Variants in LYZL1 observed in about 807,000 individuals in gnomAD.
LYZL1 encodes lysozyme-like protein 1.
Under a neutral mutation model 17.9 loss-of-function variants are expected in LYZL1, and 16 were observed. That is an observed-to-expected ratio of 0.90 (90% CI 0.61 to 1.36). LYZL1 has a LOEUF of 1.36. Among genes scored for constraint, LYZL1 ranks in the 40% most tolerant of loss-of-function variants. The probability of loss-of-function intolerance (pLI) is 0.00; values close to 1 mark genes in which losing one functional copy is unlikely to be tolerated. For missense variants in LYZL1, 149 were observed against 188.4 expected (o/e 0.79, Z 1.22); for synonymous variants, 58 against 71.8 (o/e 0.81, Z 0.97).
intron 3 of LYZL1, among the ~76,000 whole-genome samples, chr10:29,301,800 T>G (rs1327954449): frequency 6.6e-6 from 1 of 152,206 alleles, no homozygotes; most frequent in African/African-American, 2.4e-5. Context: ...ATATGTTAGA[T>G]TGCTGCTGCT....
At chr10:29,309,212 C>A (rs1835636735) in intron 3 of LYZL1, among the ~76,000 whole-genome samples, 1 of 151,856 alleles carries the variant, frequency 6.6e-6, no homozygotes, top group Non-Finnish European at 1.5e-5. Flanking sequence ...ACCTGTAATT[C>A]CAGCTACTGG....
At chr10:29,301,572 C>T (rs563107248) in intron 3 of LYZL1, among the ~76,000 whole-genome samples, 23 of 152,188 alleles carry the variant, frequency 1.5e-4, no homozygotes, top group Admixed American at 5.9e-4. Context: ...TCTTTGTCCC[C>T]TGTATGTAAT....
chr10:29,297,933 G>T (rs1008222601), intron 3 of LYZL1, among the ~76,000 whole-genome samples: 1 of 152,144 alleles, frequency 6.6e-6, no homozygotes, highest in Non-Finnish European at 1.5e-5. Flanking sequence ...AATGGAAAAA[G>T]TCTTCAAAAT....
chr10:29,318,101 G>T, intron 4 of LYZL1: 1 of 942,580 alleles, frequency 1.1e-6, no homozygotes. Flanking sequence ...CAAAGGTGCA[G>T]ATAGTGGCTG....
rs775736831 is a variant in LYZL1, at chr10:29,310,174, A to C, written c.363A>C (p.Gln121His). ...CCAGGAAAATTGTTAAAGAGACACA[A>C]GGAATGAACTATTGGTAAGAGTGTT... ...ICARKIVKETQGMNYWQGWKK... is the reference protein window; with the variant it reads ...ICARKIVKETHGMNYWQGWKK... The change falls in exon 4 of 5, where the codon CAA becomes CAC. Residue 121 changes from glutamine (Q) to histidine (H), a missense_variant. Gln to His is a conservative substitution (Grantham distance 24, BLOSUM62 0). This residue lies in a region of LYZL1 where 130 missense variants were observed against 132.5 expected (regional missense o/e 0.98). Transcript: ENST00000649382. 6.2e-7 allele frequency: 1 copy of C among 1,608,128 alleles called. No individual in the cohort carries two copies. The highest frequency in any genetic ancestry group is 8.5e-7 in the Non-Finnish European group (1 of 1,174,642).
At chr10:29,314,853 G>A (rs944458581), downstream of LYZL1, among the ~76,000 whole-genome samples, 3 of 152,126 alleles carry the variant, frequency 2.0e-5, no homozygotes, top group Admixed American at 6.5e-5. Context: ...GGGCCACAGC[G>A]CAATGGCAGA....
chr10:29,301,413 A>T (rs1337487404), intron 3 of LYZL1, among the ~76,000 whole-genome samples: 1 of 151,884 alleles, frequency 6.6e-6, no homozygotes, highest in Non-Finnish European at 1.5e-5. Flanking sequence ...GCCCAGGCTG[A>T]TCTCAGACTC....
At chr10:29,314,951 T>C (rs1486138849), downstream of LYZL1, among the ~76,000 whole-genome samples, 1 of 152,206 alleles carries the variant, frequency 6.6e-6, no homozygotes, top group Non-Finnish European at 1.5e-5. Context: ...AGGGAGTGCC[T>C]GAGCCCTTCA....
At chr10:29,290,548 C>G (rs1013554432) in intron 1 of LYZL1, among the ~76,000 whole-genome samples, 5 of 152,094 alleles carry the variant, frequency 3.3e-5, no homozygotes, top group African/African-American at 7.2e-5. Flanking sequence ...AGATAAAACA[C>G]TCATGTTTTG....
intron 3 of LYZL1, among the ~76,000 whole-genome samples, chr10:29,302,372 A>G (rs1360285150): frequency 6.6e-6 from 1 of 152,148 alleles, no homozygotes; most frequent in Non-Finnish European, 1.5e-5. Flanking sequence ...CCTGAGAGAA[A>G]CTTCAGGGCA....
At chr10:29,290,087 T>C (rs1835341290) in intron 1 of LYZL1, among the ~76,000 whole-genome samples, 1 of 152,178 alleles carries the variant, frequency 6.6e-6, no homozygotes, top group South Asian at 2.1e-4. Flanking sequence ...TGCTGATGAC[T>C]ACTTATCCCT....
chr10:29,310,313 T>A, intron 4 of LYZL1, 125 bp downstream of exon 4: 1 of 678,966 alleles, frequency 1.5e-6, no homozygotes, highest in East Asian at 2.7e-5. Flanking sequence ...GAAGGAGACC[T>A]TGTCTATATT....
chr10:29,310,218 T>C, intron 4 of LYZL1, 30 bp downstream of exon 4: 1 of 1,513,302 alleles, frequency 6.6e-7, no homozygotes, highest in Non-Finnish European at 9.2e-7. Context: ...AGACTTGTGC[T>C]GTCATGGGCA....
At chr10:29,296,790 C>G (rs904543132) in intron 3 of LYZL1, among the ~76,000 whole-genome samples, 13 of 152,138 alleles carry the variant, frequency 8.5e-5, no homozygotes, top group Non-Finnish European at 1.3e-4. Flanking sequence ...GTGAACAAGA[C>G]TGGTCAAACC....
At chr10:29,297,765 G>T (rs1468497728) in intron 3 of LYZL1, among the ~76,000 whole-genome samples, 1 of 152,192 alleles carries the variant, frequency 6.6e-6, no homozygotes, top group Non-Finnish European at 1.5e-5. Flanking sequence ...AGTGATTATT[G>T]TACACTCACA....
At chr10:29,301,042 C>T (rs180689210) in intron 3 of LYZL1, among the ~76,000 whole-genome samples, 18 of 152,072 alleles carry the variant, frequency 1.2e-4, no homozygotes, top group East Asian at 3.9e-4. Flanking sequence ...GTGTCCCCAC[C>T]GAAATCTCAT....
At chr10:29,291,450 A>T (rs1334834629) in intron 1 of LYZL1, among the ~76,000 whole-genome samples, 1 of 151,854 alleles carries the variant, frequency 6.6e-6, no homozygotes, top group East Asian at 1.9e-4. Flanking sequence ...AAATGGACCC[A>T]CGCAGTTCAA....
downstream of LYZL1, among the ~76,000 whole-genome samples, chr10:29,312,477 G>T (rs1835685289): frequency 6.6e-6 from 1 of 152,066 alleles, no homozygotes; most frequent in African/African-American, 2.4e-5. Flanking sequence ...GCCCAGGGAA[G>T]CCAAAAGATG....
At position 29,291,874 on chromosome 10, in the gene LYZL1, G is replaced by A; in HGVS notation, c.7G>A (p.Ala3Thr). The change falls in exon 2 of 5, where the codon GCT (alanine) becomes ACT (threonine). Residue 3 changes from alanine (A) to threonine (T), a missense_variant. Coordinates refer to ENST00000649382, the MANE Select transcript of LYZL1 (RefSeq NM_032517.6). MK[A>T]AGILTLIGCL... is the part of the protein sequence containing the mutation. ...TCTCCGGCAGGCTTTGAGGATGAAG[G>A]CTGCGGGCATTCTGACCCTCATTGG... 2 of 1,576,996 alleles carry A rather than the reference G, an allele frequency of 1.3e-6. No homozygotes were observed. The highest frequency in any genetic ancestry group is 1.7e-6 in the Non-Finnish European group (2 of 1,159,778).
Sources: gnomAD v4.1 joint callset for allele counts (sites outside exome capture counted in the v4.1 genomes callset) on GRCh38, gnomAD v4.1.1 for gene constraint, gnomAD v4.1.1 regional missense constraint, MANE v1.5 for transcripts, NCBI Gene and HGNC (gene_info 2026-07-23, HGNC 2026-07-21) for gene names.